Variants in BICD1 observed in about 807,000 individuals in gnomAD.
The protein encoded by BICD1 is BICD cargo adaptor 1.
A neutral mutation model predicts 92.5 loss-of-function variants in BICD1; 35 were observed. That is an observed-to-expected ratio of 0.38 (90% confidence interval 0.29 to 0.50). The LOEUF (loss-of-function observed/expected upper bound fraction) is 0.50, where lower values mean the gene tolerates loss of function less well. BICD1 is among the 20% of genes least tolerant of loss of function. BICD1 has a pLI of 0.93. For missense variants in BICD1, 950 were observed against 1,189.8 expected (o/e 0.80, Z 2.97); for synonymous variants, 429 against 465.1 (o/e 0.92, Z 1.00).
At chr12:32,293,801 G>A (rs1041636754) in intron 2 of BICD1, among the ~76,000 whole-genome samples, 193 bp from the exon 3 acceptor site, 1 of 152,112 alleles carries the variant, frequency 6.6e-6, no homozygotes, top group Non-Finnish European at 1.5e-5. Context: ...ATTTTTAGAT[G>A]TTGAATTGCT....
intron 1 of BICD1, among the ~76,000 whole-genome samples, chr12:32,123,036 A>T (rs983577447): frequency 3.3e-5 from 5 of 152,164 alleles, no homozygotes; most frequent in African/African-American, 1.2e-4. Context: ...CGGAGCCTAC[A>T]TTTTGTGGGG....
chr12:32,177,712 T>TAAATATATAAATATATTTATATATAA lies in BICD1; in HGVS notation c.214-38511_214-38510insAAAAATATATAAATATATTTATATAT, dbSNP rs1555142421. Among the ~76,000 whole-genome samples, 59 of 107,886 alleles carry TAAATATATAAATATATTTATATATAA rather than the reference T, an allele frequency of 5.5e-4. 4 individuals carry two copies. The highest frequency in any genetic ancestry group is 8.6e-4 in the Non-Finnish European group (43 of 50,246). 70.8% of individuals were successfully genotyped at this position (107,886 alleles called of 152,430 possible). A position where few individuals can be genotyped will look rare whatever the true frequency, so the allele number is the denominator to read the frequency against. On this transcript the variant is annotated intron_variant, in intron 1 of 9. Transcript: ENST00000652176. ...TAAAGTTAAATGATTTAGTAGAGTA[T>TAAATATATAAATATATTTATATATAA]AAATATATAAATATATTTATATATT...
intron 8 of BICD1, among the ~76,000 whole-genome samples, chr12:32,360,878 T>A (rs1379101460): frequency 6.6e-6 from 1 of 152,112 alleles, no homozygotes; most frequent in African/African-American, 2.4e-5. Context: ...CGGAATAGGA[T>A]CCAAAATATT....
intron 2 of BICD1, among the ~76,000 whole-genome samples, chr12:32,226,068 T>C (rs1945679100): frequency 1.3e-5 from 2 of 152,258 alleles, no homozygotes; most frequent in African/African-American, 4.8e-5. Context: ...TTTGGCATAG[T>C]GTCTTTTCAA....
intron 1 of BICD1, among the ~76,000 whole-genome samples, chr12:32,173,732 TTTGA>T (rs1171440795): frequency 6.6e-6 from 1 of 152,236 alleles, no homozygotes; most frequent in African/African-American, 2.4e-5. Context: ...CTTAATTTAC[TTTGA>T]TTTTCATCTC....
At chr12:32,127,698 C>T (rs1165955189) in intron 1 of BICD1, among the ~76,000 whole-genome samples, 1 of 148,582 alleles carries the variant, frequency 6.7e-6, no homozygotes, top group Non-Finnish European at 1.5e-5. Flanking sequence ...TCAACATTTA[C>T]AAGGAAGTGA....
intron 2 of BICD1, among the ~76,000 whole-genome samples, chr12:32,289,530 C>T (rs984151400): frequency 7.9e-5 from 12 of 152,164 alleles, no homozygotes; most frequent in Admixed American, 4.6e-4. Context: ...GGACTACAGG[C>T]GCGTGCCACC....
Position 32,328,688 on chromosome 12 carries a change from C to T in BICD1, c.2100+133C>T, listed in dbSNP as rs887705858. 14 of 1,219,340 alleles carry T rather than the reference C, an allele frequency of 1.1e-5. No individual in the cohort carries two copies. In the East Asian group the frequency reaches 1.7e-4, roughly 15 times the overall value. 75.5% of individuals were successfully genotyped at this position (1,219,340 alleles called of 1,614,324 possible). A position where few individuals can be genotyped will look rare whatever the true frequency, so the allele number is the denominator to read the frequency against. ...TGGTAAGTGGATAAATAAAACTGTC[C>T]CAGTGCCAGATCAGAATGTCATAAT... On this transcript the variant is annotated intron_variant, in intron 5 of 9. Transcript: ENST00000652176. The surrounding 1 kb of genome is among the most constrained non-coding windows in gnomAD (Gnocchi z 4.4).
At chr12:32,265,547 GA>G (rs11341415) in intron 2 of BICD1, among the ~76,000 whole-genome samples, 27,063 of 125,616 alleles carry the variant, frequency 0.22, 4,418 homozygotes, top group African/African-American at 0.47. Flanking sequence ...CGTTTCTACA[GA>G]AAAAAAAAAA....
chr12:32,339,583 TCTTC>T (rs1938279799), intron 8 of BICD1: 5 of 985,336 alleles, frequency 5.1e-6, no homozygotes, highest in South Asian at 4.7e-5. Flanking sequence ...CATTTTTCTT[TCTTC>T]CTTCCTTCCT....
chr12:32,224,876 A>G (rs527320928), intron 2 of BICD1, among the ~76,000 whole-genome samples: 16 of 152,214 alleles, frequency 1.1e-4, no homozygotes, highest in Non-Finnish European at 1.6e-4. Flanking sequence ...TAAATTTTGT[A>G]TTTTTAATAG....
At chr12:32,204,379 A>AATGAAAATGTGAATGGTCC (rs1944991087) in intron 1 of BICD1, among the ~76,000 whole-genome samples, 1 of 151,564 alleles carries the variant, frequency 6.6e-6, no homozygotes, top group Non-Finnish European at 1.5e-5. Context: ...GTGAATGGTC[A>AATGAAAATGTGAATGGTCC]ATAAAAATGT....
At chr12:32,189,978 C>T (rs111936901) in intron 1 of BICD1, among the ~76,000 whole-genome samples, 16,012 of 152,184 alleles carry the variant, frequency 0.11, 1,161 homozygotes, top group Middle Eastern at 0.23. Context: ...GGATTACAGG[C>T]GTGAGCCACC....
At position 32,245,227 on chromosome 12, in the gene BICD1, C is replaced by G. The variant is rs1344346296; in HGVS notation, c.426+28768C>G. Among the ~76,000 whole-genome samples the G allele has an allele frequency of 3.3e-5, 5 of 150,494 alleles. No individual in the cohort carries two copies. The Admixed American group carries it at 3.3e-4, about 10-fold the overall frequency. ...TATTTTTTACTTGTTTGCTGGGAAT[C>G]AAAGAGCTTAGTTTTGTTTTTTGTT... On this transcript the variant is annotated intron_variant, in intron 2 of 9. Coordinates refer to ENST00000652176, the MANE Select transcript of BICD1 (RefSeq NM_001714.4).
At position 32,382,060 on chromosome 12, in the gene BICD1, G is replaced by A. The variant is rs1326133501; in HGVS notation, c.*4433G>A. 1 of 152,056 alleles carries A rather than the reference G, an allele frequency of 6.6e-6. No individual in the cohort carries two copies. The highest frequency in any genetic ancestry group is 1.5e-5 in the Non-Finnish European group (1 of 67,948). The allele number at this position is 152,056 out of a possible 1,614,324, so 9.4% of individuals were successfully genotyped here. A position where few individuals can be genotyped will look rare whatever the true frequency, so the allele number is the denominator to read the frequency against. On this transcript the variant is annotated 3_prime_UTR_variant, in exon 10 of 10. Transcript: ENST00000652176. ...TACAAGATCAATCTAGCTCCCGAGT[G>A]ACATTTTCCATTGTCTGTAATAATG...
chr12:32,271,314 C>G (rs761221186), intron 2 of BICD1, among the ~76,000 whole-genome samples: 25 of 152,116 alleles, frequency 1.6e-4, no homozygotes, highest in Non-Finnish European at 3.2e-4. Context: ...GCGCTTATCT[C>G]TTTGATTTTG....
At position 32,215,740 on chromosome 12, in the gene BICD1, G is replaced by T. The variant is rs529302678; in HGVS notation, c.214-507G>T. Among the ~76,000 whole-genome samples, 208 of 151,934 alleles carry T rather than the reference G, an allele frequency of 1.4e-3. 1 individual carries two copies. Among genetic ancestry groups the T allele is most frequent in the Admixed American group, 0.013 (196 of 15,234 alleles). The stretch of plus-strand genomic sequence containing the variant: ...TGAGACGGGCGGATCACAAGGTCAG[G>T]GGATCGAAACCATCCTGGCTAACAA... On this transcript the variant is annotated intron_variant, in intron 1 of 9. Coordinates refer to ENST00000652176, the MANE Select transcript of BICD1 (RefSeq NM_001714.4).
intron 2 of BICD1, among the ~76,000 whole-genome samples, chr12:32,217,496 C>G (rs1945395224): frequency 6.6e-6 from 1 of 152,142 alleles, no homozygotes; most frequent in African/African-American, 2.4e-5. Flanking sequence ...TTACAATGAA[C>G]TAAATGAATA....
At chr12:32,374,867 G>A (rs1452727916) in intron 9 of BICD1, among the ~76,000 whole-genome samples, 3 of 144,802 alleles carry the variant, frequency 2.1e-5, no homozygotes, top group African/African-American at 7.6e-5. Flanking sequence ...GATTGCAGGC[G>A]TGAGCCACTA....
Sources: allele counts gnomAD v4.1 joint callset (sites outside exome capture counted in the v4.1 genomes callset), GRCh38; gene constraint gnomAD v4.1.1; non-coding constraint Gnocchi (gnomAD v3.1); transcripts MANE v1.5; gene names NCBI Gene and HGNC (gene_info 2026-07-23, HGNC 2026-07-21).